KMT2C: variants seen among roughly 807,000 people sequenced by gnomAD.
KMT2C encodes histone-lysine N-methyltransferase 2C.
KMT2C carries 88 observed loss-of-function variants against 507.9 expected under a neutral mutation model. The ratio of observed to expected loss-of-function variants is 0.17; its 90% CI spans 0.15 to 0.21. The LOEUF (loss-of-function observed/expected upper bound fraction) is 0.21. KMT2C is among the 10% of genes least tolerant of loss of function. The pLI, the probability that KMT2C is intolerant of heterozygous loss-of-function variation, is 1.00. For missense variants in KMT2C, 4,954 were observed against 5,957.8 expected, an observed-to-expected ratio of 0.83 and a Z score of 5.55; for synonymous variants, 2,049 against 2,080.8, an observed-to-expected ratio of 0.98 and a Z score of 0.42.
intron 9 of KMT2C, among the ~76,000 whole-genome samples, chr7:152,258,015 T>C (rs568548084): frequency 2.4e-4 from 37 of 152,306 alleles, no homozygotes; most frequent in Admixed American, 1.9e-3. Flanking sequence ...TACACACGCA[T>C]GTATTTCCTG....
chr7:152,287,761 C>G (rs957766578), intron 6 of KMT2C, among the ~76,000 whole-genome samples: 3 of 152,090 alleles, frequency 2.0e-5, no homozygotes, highest in East Asian at 3.8e-4. Context: ...CAGTGGCTCA[C>G]GCCTGCAATC....
intron 31 of KMT2C, among the ~76,000 whole-genome samples, chr7:152,190,333 CAAT>C (rs1232570930): frequency 1.3e-5 from 2 of 152,144 alleles, no homozygotes. Flanking sequence ...ACCGATATTA[CAAT>C]AATAATCTTG....
intron 1 of KMT2C, among the ~76,000 whole-genome samples, chr7:152,393,102 T>C (rs955599891): frequency 6.6e-6 from 1 of 151,910 alleles, no homozygotes; most frequent in African/African-American, 2.4e-5. Flanking sequence ...ACCTCAAAAG[T>C]GGTGTTTTGT....
chr7:152,311,424 G>A lies in KMT2C; in HGVS notation c.739+374C>T, dbSNP rs763132966. On this transcript the variant is annotated intron_variant, in intron 5 of 58. Coordinates refer to ENST00000262189, the MANE Select transcript of KMT2C (RefSeq NM_170606.3). ...ACTGTTATAATAAGATAATCTACCC[G>A]GCTAAGACCTATTTTCATTCATGCC... Among the ~76,000 whole-genome samples the A allele has an allele frequency of 1.9e-4, 29 of 152,032 alleles. 1 individual carries two copies. Among genetic ancestry groups the A allele is most frequent in the Admixed American group, 3.3e-4 (5 of 15,254 alleles).
chr7:152,283,973 A>G (rs2096259111), intron 6 of KMT2C, among the ~76,000 whole-genome samples: 1 of 152,092 alleles, frequency 6.6e-6, no homozygotes, highest in East Asian at 1.9e-4. Context: ...AAAAGCAATA[A>G]CATTAAATTT....
chr7:152,271,464 G>A (rs2095967686), intron 7 of KMT2C, among the ~76,000 whole-genome samples: 1 of 151,936 alleles, frequency 6.6e-6, no homozygotes, highest in South Asian at 2.1e-4. Context: ...ACGAGGTCAG[G>A]AGTTCGAGAC....
intron 6 of KMT2C, among the ~76,000 whole-genome samples, chr7:152,294,694 T>G (rs976261667): frequency 7.9e-5 from 12 of 152,202 alleles, no homozygotes; most frequent in Admixed American, 2.6e-4. Flanking sequence ...TTATTAGGTT[T>G]TATTTAGAAA....
At chr7:152,371,034 C>T (rs1055823951) in intron 1 of KMT2C, among the ~76,000 whole-genome samples, 2 of 152,112 alleles carry the variant, frequency 1.3e-5, no homozygotes, top group Non-Finnish European at 2.9e-5. Flanking sequence ...AACAAAAGAA[C>T]TCTAAAAACA....
chr7:152,219,811 G>C (rs1455209731), intron 23 of KMT2C, among the ~76,000 whole-genome samples: 1 of 152,010 alleles, frequency 6.6e-6, no homozygotes, highest in African/African-American at 2.4e-5. Flanking sequence ...AGACCAGTCT[G>C]GGCAACATGG....
intron 53 of KMT2C, 55 bp downstream of exon 53, chr7:152,146,544 G>A: frequency 1.3e-6 from 2 of 1,577,064 alleles, no homozygotes; most frequent in Non-Finnish European, 1.7e-6. Context: ...TGTTCAAGTG[G>A]TCACACTGAA....
chr7:152,316,840 A>G (rs902114146), intron 3 of KMT2C, among the ~76,000 whole-genome samples: 3 of 151,832 alleles, frequency 2.0e-5, no homozygotes, highest in East Asian at 3.8e-4. Flanking sequence ...AAAAAAAAAA[A>G]TCAAGTCAAG....
chr7:152,288,398 G>A (rs930668032), intron 6 of KMT2C, among the ~76,000 whole-genome samples: 1 of 151,970 alleles, frequency 6.6e-6, no homozygotes, highest in African/African-American at 2.4e-5. Context: ...GCTGGGCATG[G>A]TGGCACACAC....
rs184213822 is a variant in KMT2C, at chr7:152,229,676, T to C, written c.2976+247A>G. 5.0e-3 allele frequency among the ~76,000 whole-genome samples: 760 copies of C among 152,268 alleles called. 4 individuals are homozygous for C. Among genetic ancestry groups the C allele is most frequent in the Non-Finnish European group, 5.9e-3 (403 of 67,994 alleles). On this transcript the variant is annotated intron_variant, in intron 18 of 58. Coordinates refer to ENST00000262189, the MANE Select transcript of KMT2C (RefSeq NM_170606.3). ...CTTTGTGAATACTATAAATTGTCTT[T>C]TAAATTAAATGCATATATTTTTATG...
At chr7:152,405,261 C>CTTTTTTTTTTTTTTTTTTTTTTTTTTT in intron 1 of KMT2C, among the ~76,000 whole-genome samples, 1 of 151,974 alleles carries the variant, frequency 6.6e-6, no homozygotes, top group Admixed American at 6.5e-5. Flanking sequence ...TTTAACTTCA[C>CTTTTTTTTTTTTTTTTTTTTTTTTTTT]TTTTTTTTTT....
Position 152,176,639 on chromosome 7 carries a change from T to C in KMT2C, c.8814A>G (p.Pro2938=). 1 of 1,614,202 alleles carries C rather than the reference T, an allele frequency of 6.2e-7. No individual in the cohort carries two copies. The highest frequency in any genetic ancestry group is 8.5e-7 in the Non-Finnish European group (1 of 1,180,038). Residue 2938 remains proline (P), a synonymous_variant, in exon 38 of 59, where the codon CCA becomes CCG. Coordinates refer to ENST00000262189, the MANE Select transcript of KMT2C (RefSeq NM_170606.3). The part of the protein sequence containing the change: ...DNSDIRPSGS[P]PPPTLPASPS... ...GGGAGGCCGGCAGAGTTGGTGGTGG[T>C]GGAGACCCCGATGGCCTAATGTCTG...
At chr7:152,402,466 A>T (rs1484974355) in intron 1 of KMT2C, among the ~76,000 whole-genome samples, 2 of 151,844 alleles carry the variant, frequency 1.3e-5, no homozygotes, top group Non-Finnish European at 3.0e-5. Context: ...AAAAACCATT[A>T]GAAGAAAACC....
At chr7:152,387,737 C>G (rs2097444897) in intron 1 of KMT2C, among the ~76,000 whole-genome samples, 1 of 152,212 alleles carries the variant, frequency 6.6e-6, no homozygotes, top group African/African-American at 2.4e-5. Flanking sequence ...TCCCAAAGTG[C>G]TGGGATTACA....
rs2092565184 is a variant in KMT2C at position 152,163,457 on chromosome 7, T to G, written c.10120A>C (p.Asn3374His). 6.2e-7 allele frequency: 1 copy of G among 1,614,112 alleles called. No homozygotes were observed. Among genetic ancestry groups the G allele is most frequent in the African/African-American group, 1.3e-5 (1 of 74,938 alleles). Residue 3374 changes from asparagine to histidine, a missense_variant, in exon 43 of 59, where the codon AAT becomes CAT. Transcript: ENST00000262189. The part of the protein sequence containing the change: ...TPAPGTVSNA[N>H]PQSGPPPRVE... ...CGAGGTGGTGGTCCACTCTGTGGAT[T>G]TGCATTTGAGACTGTCCCTGGGGCT...
chr7:152,373,180 A>C (rs558781981), intron 1 of KMT2C, among the ~76,000 whole-genome samples: 24 of 152,332 alleles, frequency 1.6e-4, no homozygotes, highest in African/African-American at 5.8e-4. Context: ...AAATGCAGTA[A>C]GACTTCTATG....
Sources: gnomAD v4.1 joint callset for allele counts (sites outside exome capture counted in the v4.1 genomes callset) on GRCh38, gnomAD v4.1.1 for gene constraint, MANE v1.5 for transcripts, NCBI Gene and HGNC (gene_info 2026-07-23, HGNC 2026-07-21) for gene names.